FUCA1: variants seen among roughly 807,000 people sequenced by gnomAD.
The protein encoded by FUCA1 is alpha-L-fucosidase 1, also known as tissue alpha-L-fucosidase.
A neutral mutation model predicts 56.8 loss-of-function variants in FUCA1; 52 were observed. The ratio of observed to expected loss-of-function variants is 0.92; its 90% CI spans 0.73 to 1.15. FUCA1 has a LOEUF of 1.15. FUCA1 is among the 50% of genes most tolerant of loss of function. The pLI, the probability that FUCA1 is intolerant of heterozygous loss-of-function variation, is 0.00. For synonymous variants in FUCA1, 230 were observed against 226.6 expected, an observed-to-expected ratio of 1.02 and a Z score of -0.14; for missense variants, 568 against 592.6, an observed-to-expected ratio of 0.96 and a Z score of 0.43.
At position 23,867,813 on chromosome 1, in the gene FUCA1, T is replaced by C; in HGVS notation, c.389+85A>G. 1 of 1,451,428 alleles carries C rather than the reference T, an allele frequency of 6.9e-7. No homozygotes were observed. Among genetic ancestry groups the C allele is most frequent in the Non-Finnish European group, 9.0e-7 (1 of 1,110,902 alleles). The allele number at this position is 1,451,428 out of a possible 1,614,324, so 89.9% of individuals were successfully genotyped here. ...CGGGGTCATGGGGGCGACCGGCAGCTGCGCGCCCCAGCTGGCCGCCCAGCC... is the reference window on the plus strand; with the variant it reads ...CGGGGTCATGGGGGCGACCGGCAGCCGCGCGCCCCAGCTGGCCGCCCAGCC... On this transcript the variant is annotated intron_variant, in intron 1 of 7. Transcript: ENST00000374479. The surrounding 1 kb of genome is among the most constrained non-coding windows in gnomAD (Gnocchi z 4.9).
At chr1:23,858,300 C>T (rs1639436403) in intron 4 of FUCA1, among the ~76,000 whole-genome samples, 1 of 152,056 alleles carries the variant, frequency 6.6e-6, no homozygotes, top group Non-Finnish European at 1.5e-5. Flanking sequence ...ATCTCCTGAC[C>T]TCGTGATCTG....
rs553695369 is a variant in FUCA1 at position 23,859,764 on chromosome 1, T to C, written c.768+34A>G. The C allele has an allele frequency of 2.4e-5, 33 of 1,367,006 alleles. No homozygotes were observed. In the South Asian group the frequency reaches 3.4e-4, roughly 14 times the overall value. The allele number at this position is 1,367,006 out of a possible 1,614,324, so 84.7% of individuals were successfully genotyped here. On this transcript the variant is annotated intron_variant, in intron 4 of 7. Transcript: ENST00000374479. ...TGGCTCCTTGCACTTTCTTTCTTCA[T>C]AGGAGATAAATAAGAAGTCATATAA...
At chr1:23,847,104 T>A (rs1052212648) in intron 6 of FUCA1, among the ~76,000 whole-genome samples, 3 of 152,070 alleles carry the variant, frequency 2.0e-5, no homozygotes, top group African/African-American at 7.3e-5. Context: ...TCAATACCAA[T>A]GAAGGTGTGC....
intron 1 of FUCA1, among the ~76,000 whole-genome samples, chr1:23,866,121 G>A (rs966481057): frequency 3.3e-5 from 5 of 152,146 alleles, no homozygotes; most frequent in Non-Finnish European, 7.3e-5. Flanking sequence ...AGACCAACCT[G>A]GCCAATGAGG....
At chr1:23,858,153 C>T (rs558986582) in intron 4 of FUCA1, among the ~76,000 whole-genome samples, 1 of 152,238 alleles carries the variant, frequency 6.6e-6, no homozygotes, top group Non-Finnish European at 1.5e-5. Flanking sequence ...AAAGCTCTGC[C>T]TTCCAGGTTC....
rs772845299 is a variant in FUCA1, at chr1:23,846,218, T to C, written c.1161-45A>G. On this transcript the variant is annotated intron_variant, in intron 6 of 7. Transcript: ENST00000374479. ...ACTGTCAAAGATACCTGACTTGTTA[T>C]CCTGATATACAACTTTATACATTTC... The C allele has an allele frequency of 4.2e-6, 5 of 1,193,288 alleles. No homozygotes were observed. In the Admixed American group the frequency reaches 8.5e-5, roughly 20 times the overall value. 73.9% of individuals were successfully genotyped at this position (1,193,288 alleles called of 1,614,324 possible). A position where few individuals can be genotyped will look rare whatever the true frequency, so the allele number is the denominator to read the frequency against.
rs1291822820 is a variant in FUCA1, at chr1:23,867,563, C to G, written c.389+335G>C. Among the ~76,000 whole-genome samples, 3 of 152,082 alleles carry G rather than the reference C, an allele frequency of 2.0e-5. No homozygotes were observed. Among genetic ancestry groups the G allele is most frequent in the Non-Finnish European group, 4.4e-5 (3 of 68,004 alleles). On this transcript the variant is annotated intron_variant, in intron 1 of 7. Transcript: ENST00000374479. The surrounding 1 kb of genome is among the most constrained non-coding windows in gnomAD (Gnocchi z 4.9). ...AGTTGAATTAGAACCAGGCTCCACA[C>G]CACTGATTTGAAACCCTGGAGTCCT...
chr1:23,846,131 G>A lies in FUCA1; in HGVS notation c.1203C>T (p.His401=). The A allele has an allele frequency of 1.2e-6, 2 of 1,614,128 alleles. No individual in the cohort carries two copies. The highest frequency in any genetic ancestry group is 1.1e-5 in the South Asian group (1 of 91,080). The stretch of plus-strand genomic sequence containing the variant: ...GGTTTAAGACTCCATTTTCTGGCCA[G>A]TGCAGAAAAATGGCATAAACAGCCG... The part of the protein sequence containing the change: ...KGSAVYAIFL[H]WPENGVLNLE... Residue 401 remains histidine, a synonymous_variant, in exon 7 of 8, where the codon CAC becomes CAT. Transcript: ENST00000374479.
chr1:23,848,506 G>A, intron 6 of FUCA1, 143 bp downstream of exon 6: 1 of 763,976 alleles, frequency 1.3e-6, no homozygotes, highest in Non-Finnish European at 2.3e-6. Context: ...ACTCAAATGG[G>A]GTACAAATTT....
chr1:23,856,886 G>A (rs1639401593), intron 4 of FUCA1, among the ~76,000 whole-genome samples: 2 of 152,002 alleles, frequency 1.3e-5, no homozygotes, highest in Admixed American at 1.3e-4. Context: ...CAGCTACTCG[G>A]GAGGCTGAGG....
intron 2 of FUCA1, among the ~76,000 whole-genome samples, chr1:23,865,018 A>T (rs1203697188): frequency 6.6e-6 from 1 of 152,032 alleles, no homozygotes; most frequent in Non-Finnish European, 1.5e-5. Flanking sequence ...ACTCTTAAAG[A>T]TCCAGACAGT....
chr1:23,845,966 C>G, intron 7 of FUCA1, 108 bp downstream of exon 7: 1 of 1,527,480 alleles, frequency 6.5e-7, no homozygotes, highest in South Asian at 1.1e-5. Context: ...GAAAGCCAGT[C>G]TAAAAGAGGT....
chr1:23,846,455 G>C (rs1317688533), intron 6 of FUCA1, among the ~76,000 whole-genome samples: 2 of 151,984 alleles, frequency 1.3e-5, no homozygotes, highest in Non-Finnish European at 2.9e-5. Flanking sequence ...ATTTTTAGTA[G>C]AGATGGCATT....
intron 3 of FUCA1, among the ~76,000 whole-genome samples, chr1:23,862,917 A>C (rs1015985109): frequency 6.6e-6 from 1 of 152,220 alleles, no homozygotes; most frequent in Non-Finnish European, 1.5e-5. Flanking sequence ...GTTTTGTGTG[A>C]TTGTTTCAAT....
intron 3 of FUCA1, among the ~76,000 whole-genome samples, chr1:23,860,887 C>T (rs980908250): frequency 1.3e-5 from 2 of 151,894 alleles, no homozygotes; most frequent in African/African-American, 4.8e-5. Flanking sequence ...GATCCACCTG[C>T]CTCGGCTTCG....
intron 7 of FUCA1, 34 bp from the exon 8 acceptor site, chr1:23,845,889 T>G: frequency 6.2e-7 from 1 of 1,612,920 alleles, no homozygotes; most frequent in Admixed American, 1.7e-5. Flanking sequence ...AACAAACTGG[T>G]AATGCACTAA....
chr1:23,853,035 A>G (rs112872623), intron 5 of FUCA1, among the ~76,000 whole-genome samples: 127,897 of 134,116 alleles, frequency 0.95, 61,065 homozygotes, highest in South Asian at 1. Context: ...AGTGAGGAGC[A>G]CCTCTTCCCG....
At chr1:23,848,528 A>G in intron 6 of FUCA1, 121 bp downstream of exon 6, 1 of 922,456 alleles carries the variant, frequency 1.1e-6, no homozygotes, top group Non-Finnish European at 1.8e-6. Context: ...ATAGGAAAAT[A>G]ACCTTCTGGA....
intron 7 of FUCA1, 91 bp from the exon 8 acceptor site, chr1:23,845,946 G>C (rs1639130285): frequency 9.0e-6 from 14 of 1,558,598 alleles, no homozygotes; most frequent in Non-Finnish European, 1.8e-6. Flanking sequence ...GCCACGCTGG[G>C]CCAGGGCAGG....
Sources: allele counts gnomAD v4.1 joint callset (sites outside exome capture counted in the v4.1 genomes callset), GRCh38; gene constraint gnomAD v4.1.1; non-coding constraint Gnocchi (gnomAD v3.1); transcripts MANE v1.5; gene names NCBI Gene and HGNC (gene_info 2026-07-23, HGNC 2026-07-21).